SNRPD2: variants seen among roughly 807,000 people sequenced by gnomAD.
SNRPD2 encodes the protein small nuclear ribonucleoprotein Sm D2.
A neutral mutation model predicts 11.5 loss-of-function variants in SNRPD2; 1 was observed. The ratio of observed to expected loss-of-function variants is 0.09; its 90% CI spans 0.03 to 0.41. The LOEUF (loss-of-function observed/expected upper bound fraction) is 0.41, where lower values mean the gene tolerates loss of function less well. Among genes scored for constraint, SNRPD2 ranks in the 10% least tolerant of loss-of-function variants. The pLI is 0.98. For missense variants in SNRPD2, 77 were observed against 154.9 expected (o/e 0.50, Z 2.67); for synonymous variants, 63 against 61.5 (o/e 1.02, Z -0.12).
At chr19:45,691,966 C>T, upstream of SNRPD2, 4 of 1,613,520 alleles carry the variant, frequency 2.5e-6, no homozygotes, top group Non-Finnish European at 3.4e-6. Context: ...GGGACTTCCT[C>T]TTCCTGCGAC....
At chr19:45,690,029 T>C (rs1200717639) in intron 1 of SNRPD2, among the ~76,000 whole-genome samples, 49 of 129,296 alleles carry the variant, frequency 3.8e-4, no homozygotes, top group African/African-American at 1.3e-3. Context: ...AGAGTGAGAC[T>C]CCATCTCAAA....
At chr19:45,692,152 A>T (rs10426987), upstream of SNRPD2, 2 of 699,768 alleles carry the variant, frequency 2.9e-6, no homozygotes, top group Middle Eastern at 4.0e-4. Context: ...AAGGAAAGGC[A>T]GTCTGATTCA....
rs1248466206 is a variant in SNRPD2, at chr19:45,687,799, T to C, written c.183-72A>G. ...TCTGACAGTGCCCCCTACTGCCTGC[T>C]GCTCGCCCCCTCCAGCAGCATGGCT... On this transcript the variant is annotated intron_variant, in intron 2 of 2. Coordinates refer to ENST00000342669, the MANE Select transcript of SNRPD2 (RefSeq NM_001384647.1). The surrounding 1 kb of genome is among the most constrained non-coding windows in gnomAD (Gnocchi z 4.1). 3.2e-6 allele frequency: 4 copies of C among 1,261,448 alleles called. No individual in the cohort carries two copies. In the East Asian group the frequency reaches 9.3e-5, roughly 29 times the overall value. 78.1% of individuals were successfully genotyped at this position (1,261,448 alleles called of 1,614,324 possible).
At chr19:45,691,038 A>C (rs2146118214) in intron 1 of SNRPD2, among the ~76,000 whole-genome samples, 1 of 152,216 alleles carries the variant, frequency 6.6e-6, no homozygotes, top group Non-Finnish European at 1.5e-5. Context: ...TCGAAAACGC[A>C]CCCGTCTCCA....
chr19:45,692,286 C>G, upstream of SNRPD2: 1 of 374,286 alleles, frequency 2.7e-6, no homozygotes, highest in Non-Finnish European at 5.0e-6. Context: ...GCTTCGGAGA[C>G]AGGCACCGCC....
At chr19:45,689,410 G>A (rs1169261037) in intron 1 of SNRPD2, 2 of 384,184 alleles carry the variant, frequency 5.2e-6, no homozygotes, top group Non-Finnish European at 1.0e-5. Flanking sequence ...GCTCATGCCT[G>A]TAATCCTAGC....
rs532073488 is a variant in SNRPD2, at chr19:45,688,464, T to A, written c.105A>T (p.Ser35=). 450 of 1,614,182 alleles carry A rather than the reference T, an allele frequency of 2.8e-4. 10 individuals carry two copies. The South Asian group carries it at 4.7e-3, about 17-fold the overall frequency. ...NTGPLSVLTQ[S]VKNNTQVLIN... ...TGAGCACTTGGGTATTGTTCTTGAC[T>A]GACTGTGTGAGCACAGAGAGTGGAC... Residue 35 remains serine, a synonymous_variant, in exon 2 of 3, where the codon TCA becomes TCT. Transcript: ENST00000342669. The surrounding 1 kb of genome is among the most constrained non-coding windows in gnomAD (Gnocchi z 4.1).
chr19:45,688,579 A>T lies in SNRPD2; in HGVS notation c.3-13T>A, dbSNP rs1568533969. On this transcript the variant is annotated splice_polypyrimidine_tract_variant and intron_variant, in intron 1 of 2. Transcript: ENST00000342669. This position sits in a 1 kb window ranked among gnomAD's most constrained non-coding sequence, Gnocchi z 4.1. ...GTTGAGGAGGCTCCTGCATGGACAA[A>T]CATGGAACCAATAAGTGAGAGAGGC... The T allele has an allele frequency of 6.2e-7, 1 of 1,609,832 alleles. No homozygotes were observed.
chr19:45,691,060 C>T (rs983031276), intron 1 of SNRPD2, among the ~76,000 whole-genome samples: 14 of 152,262 alleles, frequency 9.2e-5, no homozygotes, highest in African/African-American at 2.9e-4. Flanking sequence ...CTCAAATGAT[C>T]AAGATAAGTC....
upstream of SNRPD2, chr19:45,692,040 A>T (rs1251036604): frequency 7.6e-6 from 12 of 1,586,922 alleles, no homozygotes; most frequent in East Asian, 2.3e-5. Flanking sequence ...TTGCCACAGC[A>T]TTCCCCACCA....
Position 45,688,544 on chromosome 19 carries a change from T to C in SNRPD2, c.25A>G (p.Ser9Gly), listed in dbSNP as rs372523738. 5 of 1,614,046 alleles carry C rather than the reference T, an allele frequency of 3.1e-6. No homozygotes were observed. The highest frequency in any genetic ancestry group is 4.2e-6 in the Non-Finnish European group (5 of 1,179,956). Reference sequence around the variant, plus strand: ...TGCAGCTCCTCTGGGGTCATCTCACTCTTGGGCTTGTTGAGGAGGCTCCTG... The same window carrying C: ...TGCAGCTCCTCTGGGGTCATCTCACCCTTGGGCTTGTTGAGGAGGCTCCTG... Reference protein sequence around the residue: MSLLNKPKSEMTPEELQKR... With the variant: MSLLNKPKGEMTPEELQKR... The change falls in exon 2 of 3, where the codon AGT becomes GGT. Residue 9 changes from serine to glycine, a missense_variant. Transcript: ENST00000342669. This position sits in a 1 kb window ranked among gnomAD's most constrained non-coding sequence, Gnocchi z 4.1.
Position 45,688,634 on chromosome 19 carries a change from G to T in SNRPD2, c.3-68C>A. 8.1e-7 allele frequency: 1 copy of T among 1,235,104 alleles called. No homozygotes were observed. The highest frequency in any genetic ancestry group is 1.2e-6 in the Non-Finnish European group (1 of 844,002). 76.5% of individuals were successfully genotyped at this position (1,235,104 alleles called of 1,614,324 possible). ...GTTGAGAGGCTGGAGCTGTGAGGATGGGTGATCAGGGCCTTGGCTTCAGTG... is the reference window on the plus strand; with the variant it reads ...GTTGAGAGGCTGGAGCTGTGAGGATTGGTGATCAGGGCCTTGGCTTCAGTG... On this transcript the variant is annotated intron_variant, in intron 1 of 2. Transcript: ENST00000342669. This position sits in a 1 kb window ranked among gnomAD's most constrained non-coding sequence, Gnocchi z 4.1.
intron 1 of SNRPD2, among the ~76,000 whole-genome samples, chr19:45,690,831 CAAAAAA>C (rs34253731): frequency 4.0e-4 from 35 of 87,430 alleles, no homozygotes; most frequent in African/African-American, 1.1e-3. Context: ...GGCTCCGTCT[CAAAAAA>C]AAAAAAAAAA....
upstream of SNRPD2, chr19:45,692,196 A>C (rs1453012404): frequency 1.0e-5 from 5 of 497,208 alleles, no homozygotes; most frequent in Non-Finnish European, 1.7e-5. Flanking sequence ...AGGTTGAAGG[A>C]GGGAAATGAC....
intron 1 of SNRPD2, chr19:45,691,512 T>C (rs1407694650): frequency 4.3e-6 from 1 of 232,448 alleles, no homozygotes; most frequent in Non-Finnish European, 8.7e-6. Context: ...CCGTTATCGT[T>C]TAAAACATGT....
chr19:45,688,583 G>A lies in SNRPD2; in HGVS notation c.3-17C>T. On this transcript the variant is annotated splice_polypyrimidine_tract_variant and intron_variant, in intron 1 of 2. Transcript: ENST00000342669. The surrounding 1 kb of genome is among the most constrained non-coding windows in gnomAD (Gnocchi z 4.1). ...AGGAGGCTCCTGCATGGACAAACATGGAACCAATAAGTGAGAGAGGCTGGA... is the reference window on the plus strand; with the variant it reads ...AGGAGGCTCCTGCATGGACAAACATAGAACCAATAAGTGAGAGAGGCTGGA... The A allele has an allele frequency of 6.2e-7, 1 of 1,608,402 alleles. No individual in the cohort carries two copies. The highest frequency in any genetic ancestry group is 8.5e-7 in the Non-Finnish European group (1 of 1,174,912).
In SNRPD2 at chr19:45,687,774, T is replaced by A; in HGVS notation, c.183-47A>T. On this transcript the variant is annotated intron_variant, in intron 2 of 2. Coordinates refer to ENST00000342669, the MANE Select transcript of SNRPD2 (RefSeq NM_001384647.1). This position sits in a 1 kb window ranked among gnomAD's most constrained non-coding sequence, Gnocchi z 4.1. ...AGGCACTGGGCGTGAGGGGCGTGCC[T>A]CTGACAGTGCCCCCTACTGCCTGCT... is the stretch of plus-strand genomic sequence containing the variant. 3 of 1,473,704 alleles carry A rather than the reference T, an allele frequency of 2.0e-6. No individual in the cohort carries two copies. Among genetic ancestry groups the A allele is most frequent in the Non-Finnish European group, 2.8e-6 (3 of 1,058,416 alleles). 91.3% of individuals were successfully genotyped at this position (1,473,704 alleles called of 1,614,324 possible).
intron 1 of SNRPD2, among the ~76,000 whole-genome samples, chr19:45,690,955 T>C (rs1967530925): frequency 6.6e-6 from 1 of 152,168 alleles, no homozygotes; most frequent in Admixed American, 6.6e-5. Context: ...TTCAATGTAA[T>C]ATCTGCTGCA....
Position 45,690,295 on chromosome 19 carries a change from G to A in SNRPD2, c.2+1592C>T, listed in dbSNP as rs555162815. On this transcript the variant is annotated intron_variant, in intron 1 of 2. Transcript: ENST00000342669. Reference sequence around the variant, plus strand: ...TGCAGTGAGCCGAGATTGCGCCACTGCACGCCAGCCTGGGCGACAGCGAGA... The same window carrying A: ...TGCAGTGAGCCGAGATTGCGCCACTACACGCCAGCCTGGGCGACAGCGAGA... Among the ~76,000 whole-genome samples, 690 of 133,206 alleles carry A rather than the reference G, an allele frequency of 5.2e-3. 6 individuals carry two copies. The highest frequency in any genetic ancestry group is 0.019 in the African/African-American group (659 of 35,316). 87.4% of individuals were successfully genotyped at this position (133,206 alleles called of 152,430 possible). A position where few individuals can be genotyped will look rare whatever the true frequency, so the allele number is the denominator to read the frequency against.
Sources: gnomAD v4.1 joint callset for allele counts (sites outside exome capture counted in the v4.1 genomes callset) on GRCh38, gnomAD v4.1.1 for gene constraint, Gnocchi (gnomAD v3.1) non-coding constraint, MANE v1.5 for transcripts, NCBI Gene and HGNC (gene_info 2026-07-23, HGNC 2026-07-21) for gene names.